TAFA4: variants seen among roughly 807,000 people sequenced by gnomAD.
The protein encoded by TAFA4 is chemokine-like protein TAFA-4.
A neutral mutation model predicts 21.1 loss-of-function variants in TAFA4; 20 were observed. That is an observed-to-expected ratio of 0.95 (90% CI 0.67 to 1.38). The LOEUF (loss-of-function observed/expected upper bound fraction) is 1.38. TAFA4 is among the 40% of genes most tolerant of loss of function. The probability of loss-of-function intolerance (pLI) is 0.00; values close to 1 mark genes in which losing one functional copy is unlikely to be tolerated. For synonymous variants in TAFA4, 71 were observed against 67.4 expected, an observed-to-expected ratio of 1.05 and a Z score of -0.26; for missense variants, 211 against 180.9, an observed-to-expected ratio of 1.17 and a Z score of -0.95.
chr3:68,757,617 A>G (rs1294901910), intron 3 of TAFA4, among the ~76,000 whole-genome samples: 1 of 152,226 alleles, frequency 6.6e-6, no homozygotes, highest in Admixed American at 6.5e-5. Flanking sequence ...CTGTTGCTAT[A>G]TAACCATCCA....
intron 1 of TAFA4, among the ~76,000 whole-genome samples, chr3:68,898,262 C>G (rs2089811767): frequency 6.6e-6 from 1 of 152,326 alleles, no homozygotes; most frequent in Non-Finnish European, 1.5e-5. Flanking sequence ...AAAGTTTTCA[C>G]AGGCCCTAGA....
At chr3:68,856,400 T>C (rs533379107) in intron 3 of TAFA4, among the ~76,000 whole-genome samples, 6 of 152,292 alleles carry the variant, frequency 3.9e-5, no homozygotes, top group South Asian at 4.1e-4. Flanking sequence ...AAGTGTAAGA[T>C]AGGCACCACA....
At chr3:68,898,468 G>C (rs886983080) in intron 1 of TAFA4, among the ~76,000 whole-genome samples, 8 of 152,158 alleles carry the variant, frequency 5.3e-5, no homozygotes, top group African/African-American at 1.9e-4. Context: ...CCAACATAGT[G>C]AAAACCCATC....
chr3:68,743,466 C>T (rs1702395817), intron 4 of TAFA4, among the ~76,000 whole-genome samples: 1 of 151,826 alleles, frequency 6.6e-6, no homozygotes, highest in African/African-American at 2.4e-5. Flanking sequence ...GTTCCAGCTA[C>T]TCAGGAGGCT....
At chr3:68,918,058 G>C (rs2090021947) in intron 1 of TAFA4, among the ~76,000 whole-genome samples, 1 of 151,810 alleles carries the variant, frequency 6.6e-6, no homozygotes, top group Non-Finnish European at 1.5e-5. Flanking sequence ...AGTAGGTTAG[G>C]GATTTATTGC....
At chr3:68,892,796 A>T (rs971901519) in intron 1 of TAFA4, among the ~76,000 whole-genome samples, 1 of 152,240 alleles carries the variant, frequency 6.6e-6, no homozygotes, top group African/African-American at 2.4e-5. Flanking sequence ...TTAATGAAGA[A>T]AAACTCTAGC....
At chr3:68,757,311 G>C (rs1702676824) in intron 3 of TAFA4, among the ~76,000 whole-genome samples, 1 of 151,982 alleles carries the variant, frequency 6.6e-6, no homozygotes, top group Admixed American at 6.6e-5. Context: ...AGTCCTGTCA[G>C]ATTAAGGCCA....
At chr3:68,745,291 T>C (rs1702436604) in intron 4 of TAFA4, among the ~76,000 whole-genome samples, 1 of 152,218 alleles carries the variant, frequency 6.6e-6, no homozygotes, top group Non-Finnish European at 1.5e-5. Context: ...GGTGAGAACA[T>C]CTGCCCACTT....
chr3:68,832,069 AG>A (rs1218612979), intron 3 of TAFA4, among the ~76,000 whole-genome samples: 1 of 152,142 alleles, frequency 6.6e-6, no homozygotes, highest in African/African-American at 2.4e-5. Context: ...TATTCCAGTT[AG>A]CCATTTGTCT....
In TAFA4 at chr3:68,883,704, T is replaced by C. The variant is rs560806665; in HGVS notation, c.14+1471A>G. ...TGTCAAACGTTTACAATCCAGCAGA[T>C]CACTTATAGGATTTAACCCTAAAGA... On this transcript the variant is annotated intron_variant, in intron 2 of 5. Coordinates refer to ENST00000295569, the MANE Select transcript of TAFA4 (RefSeq NM_182522.5). Among the ~76,000 whole-genome samples, 3 of 152,324 alleles carry C rather than the reference T, an allele frequency of 2.0e-5. No homozygotes were observed. The South Asian group carries it at 6.2e-4, about 32-fold the overall frequency.
At chr3:68,808,438 T>C (rs1703751447) in intron 3 of TAFA4, among the ~76,000 whole-genome samples, 2 of 152,206 alleles carry the variant, frequency 1.3e-5, no homozygotes, top group South Asian at 4.1e-4. Flanking sequence ...TTCCAAATTA[T>C]CTTCAAGTGT....
chr3:68,743,408 T>G (rs1702394879), intron 4 of TAFA4, among the ~76,000 whole-genome samples: 1 of 151,942 alleles, frequency 6.6e-6, no homozygotes. Flanking sequence ...AAACCCCGCC[T>G]CTACTAAAAA....
intron 5 of TAFA4, among the ~76,000 whole-genome samples, chr3:68,735,735 G>A (rs555544418): frequency 6.6e-6 from 1 of 152,114 alleles, no homozygotes; most frequent in African/African-American, 2.4e-5. Flanking sequence ...TTAGACAATA[G>A]AAACTTTGAA....
intron 3 of TAFA4, among the ~76,000 whole-genome samples, chr3:68,795,846 C>T (rs1309744555): frequency 6.6e-6 from 1 of 152,074 alleles, no homozygotes; most frequent in African/African-American, 2.4e-5. Flanking sequence ...TGTACCTGTC[C>T]TCTTTTGGGA....
chr3:68,858,484 C>T (rs761988990), intron 3 of TAFA4, among the ~76,000 whole-genome samples: 3 of 151,784 alleles, frequency 2.0e-5, no homozygotes, highest in Non-Finnish European at 4.4e-5. Flanking sequence ...ACTTTACTTA[C>T]CAATTTTCCT....
At chr3:68,832,465 G>T (rs1215007580) in intron 3 of TAFA4, among the ~76,000 whole-genome samples, 1 of 152,166 alleles carries the variant, frequency 6.6e-6, no homozygotes, top group Non-Finnish European at 1.5e-5. Flanking sequence ...GTTGGAGTTT[G>T]CTGGAGGTCC....
At chr3:68,882,362 A>G (rs1040270855) in intron 2 of TAFA4, among the ~76,000 whole-genome samples, 2 of 152,106 alleles carry the variant, frequency 1.3e-5, no homozygotes, top group Non-Finnish European at 2.9e-5. Flanking sequence ...GGTTGCCAAC[A>G]CATACAATGT....
intron 3 of TAFA4, among the ~76,000 whole-genome samples, chr3:68,815,925 A>G (rs1202445369): frequency 6.6e-6 from 1 of 152,220 alleles, no homozygotes; most frequent in Non-Finnish European, 1.5e-5. Context: ...CAAATGTCCA[A>G]CAATGATAGA....
intron 3 of TAFA4, among the ~76,000 whole-genome samples, chr3:68,774,480 A>G (rs1307189709): frequency 6.6e-6 from 1 of 152,202 alleles, no homozygotes; most frequent in East Asian, 1.9e-4. Flanking sequence ...ATCAGAAAGA[A>G]AACCAAGAAA....
Sources: allele counts gnomAD v4.1 joint callset (sites outside exome capture counted in the v4.1 genomes callset), GRCh38; gene constraint gnomAD v4.1.1; transcripts MANE v1.5; gene names NCBI Gene and HGNC (gene_info 2026-07-23, HGNC 2026-07-21).